Variants in CHAT observed in about 807,000 individuals in gnomAD.
CHAT encodes the protein acetyl CoA:choline O-acetyltransferase.
A neutral mutation model predicts 76.9 loss-of-function variants in CHAT; 61 were observed. The observed-to-expected ratio is 0.79, with a 90% CI of 0.65 to 0.98. The LOEUF is 0.98. Ranked by LOEUF, CHAT falls within the 50% of genes least tolerant of loss-of-function variation. The pLI is 0.00. For synonymous variants in CHAT, 407 were observed against 397.4 expected, an observed-to-expected ratio of 1.02 and a Z score of -0.29; for missense variants, 946 against 986.9, an observed-to-expected ratio of 0.96 and a Z score of 0.56.
chr10:49,616,353 G>A, intron 1 of CHAT, 149 bp from the exon 2 acceptor site: 1 of 733,244 alleles, frequency 1.4e-6, no homozygotes, highest in Admixed American at 2.0e-5. Context: ...TAGAGACTGG[G>A]GCCACGCCTG....
chr10:49,627,501 C>T, intron 6 of CHAT, 107 bp from the exon 7 acceptor site: 1 of 1,163,464 alleles, frequency 8.6e-7, no homozygotes, highest in Non-Finnish European at 1.3e-6. Context: ...ACCTTGGGAA[C>T]CTTGGGCCTG....
intron 11 of CHAT, among the ~76,000 whole-genome samples, chr10:49,652,259 G>A (rs1839904333): frequency 1.3e-5 from 2 of 152,146 alleles, no homozygotes; most frequent in South Asian, 4.2e-4. Context: ...GGACTGGAGT[G>A]TAGAGCTGAG....
intron 7 of CHAT, among the ~76,000 whole-genome samples, chr10:49,639,950 C>T (rs1206669480): frequency 1.3e-5 from 2 of 152,126 alleles, no homozygotes; most frequent in African/African-American, 4.8e-5. Context: ...TTCTCTCCTC[C>T]CTAGGTTCTG....
intron 11 of CHAT, among the ~76,000 whole-genome samples, chr10:49,653,452 T>C (rs1388416017): frequency 6.6e-6 from 1 of 152,174 alleles, no homozygotes; most frequent in Non-Finnish European, 1.5e-5. Flanking sequence ...GCAACTTCCA[T>C]GAAGGGCATA....
At chr10:49,611,946 G>A, upstream of CHAT, 1 of 1,612,554 alleles carries the variant, frequency 6.2e-7, no homozygotes, top group Non-Finnish European at 8.5e-7. Context: ...CAGCACTGCT[G>A]CCCACGCTCG....
At chr10:49,655,037 A>T (rs12264845) in intron 11 of CHAT, 58 bp from the exon 12 acceptor site, 15 of 1,599,704 alleles carry the variant, frequency 9.4e-6, no homozygotes, top group East Asian at 2.2e-5. Flanking sequence ...TTTCTTTCCG[A>T]GTTTATGATT....
chr10:49,615,304 A>T (rs1417795164), intron 1 of CHAT, among the ~76,000 whole-genome samples: 1 of 152,292 alleles, frequency 6.6e-6, no homozygotes, highest in East Asian at 1.9e-4. Context: ...CACCTCTTTC[A>T]CTTTGCAGTT....
At chr10:49,613,835 G>A (rs1838369440), upstream of CHAT, among the ~76,000 whole-genome samples, 1 of 152,172 alleles carries the variant, frequency 6.6e-6, no homozygotes, top group Admixed American at 6.5e-5. Context: ...TAACAGAAAG[G>A]GAAGTCCTGC....
chr10:49,651,537 C>G (rs979597945), intron 10 of CHAT, among the ~76,000 whole-genome samples: 2 of 152,204 alleles, frequency 1.3e-5, no homozygotes, highest in Admixed American at 6.5e-5. Flanking sequence ...TCCTGTTACT[C>G]CGACAGTGAA....
intron 11 of CHAT, among the ~76,000 whole-genome samples, chr10:49,653,760 G>C (rs1288911879): frequency 6.6e-6 from 1 of 152,218 alleles, no homozygotes; most frequent in Non-Finnish European, 1.5e-5. Context: ...GAGGGCATGG[G>C]GCCGAGATAG....
Position 49,646,493 on chromosome 10 carries a change from C to A in CHAT, c.1112-12C>A. On this transcript the variant is annotated splice_polypyrimidine_tract_variant and intron_variant, in intron 7 of 14. Transcript: ENST00000337653. ...GGGACAGGTGCTAGGGCTGTGCCTG[C>A]CTCCCCTGCAGACTCCACCAACCGG... The A allele has an allele frequency of 6.2e-7, 1 of 1,614,052 alleles. No individual in the cohort carries two copies. Among genetic ancestry groups the A allele is most frequent in the South Asian group, 1.1e-5 (1 of 91,080 alleles).
intron 11 of CHAT, among the ~76,000 whole-genome samples, chr10:49,653,624 C>T (rs1033501572): frequency 1.2e-4 from 18 of 152,196 alleles, no homozygotes; most frequent in African/African-American, 3.1e-4. Context: ...TGGGGAAGGC[C>T]GATGTCATCC....
chr10:49,636,961 T>C (rs987015659), intron 7 of CHAT, among the ~76,000 whole-genome samples: 3 of 146,288 alleles, frequency 2.1e-5, no homozygotes, highest in African/African-American at 5.6e-5. Context: ...TATCCTCTTA[T>C]TATACTTTTG....
intron 7 of CHAT, among the ~76,000 whole-genome samples, chr10:49,628,432 G>A (rs1839000195): frequency 6.6e-6 from 1 of 152,180 alleles, no homozygotes; most frequent in African/African-American, 2.4e-5. Flanking sequence ...AGACTTCTGT[G>A]AGTCTTTATT....
intron 7 of CHAT, among the ~76,000 whole-genome samples, chr10:49,632,217 G>T (rs1839148436): frequency 6.6e-6 from 1 of 152,178 alleles, no homozygotes; most frequent in South Asian, 2.1e-4. Context: ...GTTTAGCCAT[G>T]CAGGGGAATG....
rs1590576622 is a variant in CHAT, at chr10:49,627,665, A to G, written c.991A>G (p.Thr331Ala). The G allele has an allele frequency of 6.2e-7, 1 of 1,614,092 alleles. No homozygotes were observed. Among genetic ancestry groups the G allele is most frequent in the Admixed American group, 1.7e-5 (1 of 60,020 alleles). Residue 331 changes from threonine to alanine, a missense_variant, in exon 7 of 15, where the codon ACT becomes GCT. By Grantham distance (58) the Thr-to-Ala change is moderately conservative. Coordinates refer to ENST00000337653, the MANE Select transcript of CHAT (RefSeq NM_020549.5). The part of the protein sequence containing the change: ...FRRLSEGDLF[T>A]QLRKIVKMAS... ...CCGTCTCAGTGAGGGGGATCTGTTCACTCAGTTGAGAAAGATAGTCAAAAT... is the reference window on the plus strand; with the variant it reads ...CCGTCTCAGTGAGGGGGATCTGTTCGCTCAGTTGAGAAAGATAGTCAAAAT...
upstream of CHAT, chr10:49,612,257 G>A: frequency 1.2e-6 from 2 of 1,610,326 alleles, no homozygotes; most frequent in Non-Finnish European, 1.7e-6. Context: ...CCTGTGTCTG[G>A]CCAGGACGGC....
chr10:49,662,606 C>T, intron 13 of CHAT, 39 bp from the exon 14 acceptor site: 1 of 1,613,052 alleles, frequency 6.2e-7, no homozygotes, highest in South Asian at 1.1e-5. Flanking sequence ...TGCAGGAGGC[C>T]CACTTCTCAT....
At chr10:49,663,256 T>C (rs1840253967) in intron 14 of CHAT, among the ~76,000 whole-genome samples, 1 of 151,950 alleles carries the variant, frequency 6.6e-6, no homozygotes, top group African/African-American at 2.4e-5. Context: ...AAGAAGAAGG[T>C]TTCCCATCTC....
Sources: gnomAD v4.1 joint callset for allele counts (sites outside exome capture counted in the v4.1 genomes callset) on GRCh38, gnomAD v4.1.1 for gene constraint, MANE v1.5 for transcripts, NCBI Gene and HGNC (gene_info 2026-07-23, HGNC 2026-07-21) for gene names.